The following ZBTB16 variants were observed in gnomAD, a reference collection of about 807,000 sequenced individuals.
ZBTB16 encodes zinc finger and BTB domain containing 16.
Under a neutral mutation model 56.8 loss-of-function variants are expected in ZBTB16, and 8 were observed. The ratio of observed to expected loss-of-function variants is 0.14; its 90% CI spans 0.08 to 0.25. The LOEUF is 0.25. Ranked by LOEUF, ZBTB16 falls within the 10% of genes least tolerant of loss-of-function variation. ZBTB16 has a pLI of 1.00. For synonymous variants in ZBTB16, 363 were observed against 368.5 expected, an observed-to-expected ratio of 0.98 and a Z score of 0.17; for missense variants, 625 against 903.0, an observed-to-expected ratio of 0.69 and a Z score of 3.95.
intron 3 of ZBTB16, among the ~76,000 whole-genome samples, chr11:114,178,719 A>G (rs1256455692): frequency 6.6e-6 from 1 of 152,022 alleles, no homozygotes; most frequent in African/African-American, 2.4e-5. Context: ...AGTAAGAGAC[A>G]AGGGCACCAT....
intron 2 of ZBTB16, among the ~76,000 whole-genome samples, chr11:114,119,264 CAAAAAAAAAAAA>C (rs71063549): frequency 0.012 from 664 of 57,294 alleles, 11 homozygotes; most frequent in African/African-American, 0.042. Context: ...AACTCTGTCT[CAAAAAAAAAAAA>C]AAAAAAAAAA....
chr11:114,088,995 G>A (rs1940074760), intron 2 of ZBTB16, among the ~76,000 whole-genome samples: 1 of 152,330 alleles, frequency 6.6e-6, no homozygotes, highest in South Asian at 2.1e-4. Flanking sequence ...GGGTGACCAC[G>A]AGCAAGGCCT....
chr11:114,192,287 G>A (rs1381045804), intron 4 of ZBTB16, among the ~76,000 whole-genome samples: 1 of 152,192 alleles, frequency 6.6e-6, no homozygotes, highest in Non-Finnish European at 1.5e-5. Context: ...TTAAAAGCTA[G>A]GCTGGAAGTA....
intron 3 of ZBTB16, among the ~76,000 whole-genome samples, chr11:114,162,694 C>T (rs577945293): frequency 6.6e-6 from 1 of 152,284 alleles, no homozygotes; most frequent in East Asian, 1.9e-4. Flanking sequence ...TCCTTGACTC[C>T]CTCCACATTC....
At chr11:114,073,523 A>G (rs1389140975) in intron 2 of ZBTB16, among the ~76,000 whole-genome samples, 1 of 152,170 alleles carries the variant, frequency 6.6e-6, no homozygotes, top group Non-Finnish European at 1.5e-5. Flanking sequence ...TGCAGCTGCA[A>G]GGAGGGGATC....
At chr11:114,097,269 A>G (rs1940452053) in intron 2 of ZBTB16, among the ~76,000 whole-genome samples, 1 of 152,218 alleles carries the variant, frequency 6.6e-6, no homozygotes, top group African/African-American at 2.4e-5. Context: ...TTGTAGAAAC[A>G]CGAACTAGAA....
Position 114,197,884 on chromosome 11 carries a change from C to T in ZBTB16, c.1453+10846C>T, listed in dbSNP as rs138420893. 6.5e-3 allele frequency among the ~76,000 whole-genome samples: 990 copies of T among 152,092 alleles called. 8 individuals carry two copies. Among genetic ancestry groups the T allele is most frequent in the African/African-American group, 0.022 (900 of 41,474 alleles). On this transcript the variant is annotated intron_variant, in intron 4 of 6. Transcript: ENST00000335953. ...TTGGCACGAGGGACAGTGCTGGGCA[C>T]CAAGGAGTCCTGTAATGATAGGAAA... is the stretch of plus-strand genomic sequence containing the variant.
At chr11:114,157,531 G>A (rs758820646) in intron 3 of ZBTB16, among the ~76,000 whole-genome samples, 1 of 152,146 alleles carries the variant, frequency 6.6e-6, no homozygotes, top group South Asian at 2.1e-4. Context: ...TGAGCCTGTT[G>A]CCCCGGGGGG....
At chr11:114,142,963 A>G (rs1208401144) in intron 2 of ZBTB16, among the ~76,000 whole-genome samples, 1 of 152,182 alleles carries the variant, frequency 6.6e-6, no homozygotes, top group South Asian at 2.1e-4. Flanking sequence ...AAAACCAGCA[A>G]TGTCAGGGAG....
At chr11:114,111,816 T>C (rs556341034) in intron 2 of ZBTB16, among the ~76,000 whole-genome samples, 1 of 152,378 alleles carries the variant, frequency 6.6e-6, no homozygotes, top group East Asian at 1.9e-4. Context: ...TGCAACCTAG[T>C]TTTTCTGGGT....
chr11:114,133,831 C>T (rs1394159665), intron 2 of ZBTB16, among the ~76,000 whole-genome samples: 1 of 152,186 alleles, frequency 6.6e-6, no homozygotes, highest in Non-Finnish European at 1.5e-5. Context: ...ATAGCAGGAC[C>T]GCAGACTAGG....
At chr11:114,090,024 T>C (rs112395354) in intron 2 of ZBTB16, among the ~76,000 whole-genome samples, 1 of 152,192 alleles carries the variant, frequency 6.6e-6, no homozygotes, top group African/African-American at 2.4e-5. Flanking sequence ...ACAGTTAAGA[T>C]CTTAGCTCCA....
chr11:114,089,564 G>A (rs995787624), intron 2 of ZBTB16, among the ~76,000 whole-genome samples: 2 of 152,162 alleles, frequency 1.3e-5, no homozygotes, highest in Non-Finnish European at 2.9e-5. Flanking sequence ...AAAGATGGGG[G>A]CAGAATATCA....
At chr11:114,243,847 C>A (rs1420324711) in intron 5 of ZBTB16, among the ~76,000 whole-genome samples, 2 of 152,150 alleles carry the variant, frequency 1.3e-5, no homozygotes, top group African/African-American at 2.4e-5. Context: ...CAGGATGTGC[C>A]CTGCTCTGAC....
At chr11:114,167,193 C>A (rs994523934) in intron 3 of ZBTB16, among the ~76,000 whole-genome samples, 1 of 148,982 alleles carries the variant, frequency 6.7e-6, no homozygotes, top group Non-Finnish European at 1.5e-5. Flanking sequence ...TGGAGAGGAG[C>A]CTCGGGCCAT....
intron 2 of ZBTB16, among the ~76,000 whole-genome samples, chr11:114,116,568 G>A (rs1301109013): frequency 6.6e-6 from 1 of 152,080 alleles, no homozygotes; most frequent in Non-Finnish European, 1.5e-5. Flanking sequence ...CTGTCCACTG[G>A]GGAGCAGCTT....
intron 2 of ZBTB16, among the ~76,000 whole-genome samples, chr11:114,103,536 G>A (rs1439954278): frequency 6.6e-6 from 1 of 151,858 alleles, no homozygotes; most frequent in Non-Finnish European, 1.5e-5. Context: ...ACAGCCGGTG[G>A]AATCTTTTTT....
At chr11:114,161,690 C>T (rs11214887) in intron 3 of ZBTB16, among the ~76,000 whole-genome samples, 36,259 of 151,930 alleles carry the variant, frequency 0.24, 6,013 homozygotes, top group African/African-American at 0.45. Context: ...AAGAGATGGA[C>T]GAGATACATC....
At chr11:114,117,896 C>G (rs1941222210) in intron 2 of ZBTB16, among the ~76,000 whole-genome samples, 1 of 152,196 alleles carries the variant, frequency 6.6e-6, no homozygotes, top group African/African-American at 2.4e-5. Flanking sequence ...GACCTTCATT[C>G]ATGTGTGTGC....
Sources: gnomAD v4.1 joint callset for allele counts (sites outside exome capture counted in the v4.1 genomes callset) on GRCh38, gnomAD v4.1.1 for gene constraint, MANE v1.5 for transcripts, NCBI Gene and HGNC (gene_info 2026-07-23, HGNC 2026-07-21) for gene names.